Variants in GCNT2 observed in about 807,000 individuals in gnomAD.
GCNT2 encodes the protein glucosaminyl (N-acetyl) transferase 2 (I blood group).
GCNT2 carries 34 observed loss-of-function variants against 34.2 expected under a neutral mutation model. The ratio of observed to expected loss-of-function variants is 1.00; its 90% confidence interval spans 0.76 to 1.32. The LOEUF (loss-of-function observed/expected upper bound fraction) is 1.32. Ranked by LOEUF, GCNT2 falls within the 40% of genes most tolerant of loss-of-function variation. GCNT2 has a pLI of 0.00. For missense variants in GCNT2, 584 were observed against 489.4 expected, an observed-to-expected ratio of 1.19 and a Z score of -1.82; for synonymous variants, 212 against 188.0, an observed-to-expected ratio of 1.13 and a Z score of -1.04.
At chr6:10,532,754 C>T (rs1001332271) in intron 3 of GCNT2, among the ~76,000 whole-genome samples, 6 of 152,162 alleles carry the variant, frequency 3.9e-5, no homozygotes, top group Non-Finnish European at 1.5e-5. Flanking sequence ...GCAAGCCCTG[C>T]CAACTCTTTC....
chr6:10,555,673 G>T (rs1762665643), intron 3 of GCNT2: 1 of 929,592 alleles, frequency 1.1e-6, no homozygotes, highest in Non-Finnish European at 1.3e-6. Context: ...AGCCCAAGGC[G>T]CCCCAGCAAT....
At chr6:10,575,826 A>G (rs974718608) in intron 3 of GCNT2, among the ~76,000 whole-genome samples, 41 of 152,202 alleles carry the variant, frequency 2.7e-4, no homozygotes, top group East Asian at 9.7e-4. Flanking sequence ...TCCTGGCTCA[A>G]AAAGCTCCCC....
chr6:10,555,456 T>C (rs1762653223), intron 3 of GCNT2, among the ~76,000 whole-genome samples: 1 of 152,118 alleles, frequency 6.6e-6, no homozygotes, highest in Non-Finnish European at 1.5e-5. Context: ...TGCCGTTCTC[T>C]GGGGGGGTTA....
Position 10,575,529 on chromosome 6 carries a change from T to C in GCNT2, c.925+45693T>C, listed in dbSNP as rs974656819. On this transcript the variant is annotated intron_variant, in intron 3 of 4. Coordinates refer to ENST00000495262, the MANE Select transcript of GCNT2 (RefSeq NM_145649.5). ...GGTGCCTGCCACCACGCCCAGCTAA[T>C]TTTTTTGTATTTTTAGTGGAGATGG... Among the ~76,000 whole-genome samples, 3 of 151,986 alleles carry C rather than the reference T, an allele frequency of 2.0e-5. No homozygotes were observed. In the South Asian group the frequency reaches 6.2e-4, roughly 32 times the overall value.
At chr6:10,573,135 G>T in intron 3 of GCNT2, 2 of 955,634 alleles carry the variant, frequency 2.1e-6, no homozygotes, top group Non-Finnish European at 2.5e-6. Context: ...GAAAGTGTTC[G>T]GAAGATATAA....
chr6:10,576,368 C>G (rs1355272196), intron 3 of GCNT2, among the ~76,000 whole-genome samples: 4 of 152,122 alleles, frequency 2.6e-5, no homozygotes, highest in Non-Finnish European at 5.9e-5. Flanking sequence ...CTTTAAATAC[C>G]TACTACACAG....
Position 10,529,771 on chromosome 6 carries a change from T to G in GCNT2, c.860T>G (p.Leu287Arg), listed in dbSNP as rs200052359. The G allele has an allele frequency of 2.4e-5, 39 of 1,614,110 alleles. No homozygotes were observed. The highest frequency in any genetic ancestry group is 3.3e-5 in the Admixed American group (2 of 60,018). ...CAAGACCAGCTCGCACTTGACTTAC[T>G]CTCCTGGTCCAAGGACACCTACAGC... The part of the protein sequence containing the change: ...VLQDQLALDL[L>R]SWSKDTYSPD... The change falls in exon 3 of 5, where the codon CTC (leucine) becomes CGC (arginine). Residue 287 changes from leucine to arginine, a missense_variant. By Grantham distance (102) the Leu-to-Arg change is moderately radical (BLOSUM62 -2). Transcript: ENST00000495262.
Position 10,529,525 on chromosome 6 carries a change from A to G in GCNT2, c.614A>G (p.Gln205Arg). 2.5e-6 allele frequency: 4 copies of G among 1,614,162 alleles called. No homozygotes were observed. The highest frequency in any genetic ancestry group is 3.4e-6 in the Non-Finnish European group (4 of 1,179,994). ...FPLKTNREIV[Q>R]YLKGFKGKNI... ...CTGAAAACCAACAGGGAAATAGTTC[A>G]GTATCTGAAGGGATTTAAAGGGAAA... is the stretch of plus-strand genomic sequence containing the variant. The change falls in exon 3 of 5, where the codon CAG becomes CGG. Residue 205 changes from glutamine (Q) to arginine (R), a missense_variant. Coordinates refer to ENST00000495262, the MANE Select transcript of GCNT2 (RefSeq NM_145649.5).
chr6:10,604,582 CAGGTG>C (rs1765228845), intron 3 of GCNT2, among the ~76,000 whole-genome samples: 1 of 152,150 alleles, frequency 6.6e-6, no homozygotes, highest in Non-Finnish European at 1.5e-5. Context: ...ATCTCTGGGC[CAGGTG>C]TGCTGGCTCA....
intron 3 of GCNT2, among the ~76,000 whole-genome samples, chr6:10,584,518 C>CT (rs1764256113): frequency 6.6e-6 from 1 of 152,126 alleles, no homozygotes; most frequent in Non-Finnish European, 1.5e-5. Flanking sequence ...GGATGTCGGG[C>CT]TGGGGGGCTG....
rs905679916 is a variant in GCNT2 at position 10,542,951 on chromosome 6, A to G, written c.925+13115A>G. 3.8e-5 allele frequency among the ~76,000 whole-genome samples: 5 copies of G among 130,906 alleles called. No homozygotes were observed. The Admixed American group carries it at 4.5e-4, about 12-fold the overall frequency. 85.9% of individuals were successfully genotyped at this position (130,906 alleles called of 152,430 possible). A position where few individuals can be genotyped will look rare whatever the true frequency, so the allele number is the denominator to read the frequency against. ...AGACGGAGTTTCACTCTTGTTGCCC[A>G]GGCTGGAGTGCAATGCCATGATCTC... On this transcript the variant is annotated intron_variant, in intron 3 of 4. Transcript: ENST00000495262.
intron 3 of GCNT2, among the ~76,000 whole-genome samples, chr6:10,538,976 A>G (rs889823483): frequency 6.6e-6 from 1 of 152,118 alleles, no homozygotes; most frequent in Non-Finnish European, 1.5e-5. Flanking sequence ...AAAGAAAAAA[A>G]TAAGGGTTGG....
At chr6:10,556,155 A>G (rs779329072) in intron 3 of GCNT2, 7 of 1,348,720 alleles carry the variant, frequency 5.2e-6, no homozygotes, top group Middle Eastern at 2.8e-4. Flanking sequence ...GGGGAGGCAG[A>G]GGGAGGAGGG....
At chr6:10,617,786 ACT>A (rs1314876311) in intron 3 of GCNT2, among the ~76,000 whole-genome samples, 72 of 116,298 alleles carry the variant, frequency 6.2e-4, no homozygotes, top group Non-Finnish European at 1.1e-3. Context: ...ACAGGGTCTC[ACT>A]CTGTTGCCCA....
chr6:10,526,637 C>G (rs1326571837), intron 1 of GCNT2, among the ~76,000 whole-genome samples: 1 of 152,222 alleles, frequency 6.6e-6, no homozygotes, highest in Non-Finnish European at 1.5e-5. Context: ...CTCCTGGCCT[C>G]GAGCTCCTCC....
chr6:10,596,944 T>C (rs1043184186), intron 3 of GCNT2, among the ~76,000 whole-genome samples: 1 of 152,142 alleles, frequency 6.6e-6, no homozygotes, highest in Non-Finnish European at 1.5e-5. Flanking sequence ...TTACTTTGCA[T>C]GAGGTCTTTG....
intron 1 of GCNT2, among the ~76,000 whole-genome samples, chr6:10,525,589 A>T (rs1175207976): frequency 6.6e-6 from 1 of 152,222 alleles, no homozygotes; most frequent in Non-Finnish European, 1.5e-5. Context: ...CTACCAAAAT[A>T]AAATGCACCA....
At chr6:10,600,637 C>G (rs1039216899) in intron 3 of GCNT2, among the ~76,000 whole-genome samples, 2 of 152,112 alleles carry the variant, frequency 1.3e-5, no homozygotes, top group Admixed American at 1.3e-4. Context: ...TTTATCATAG[C>G]GTATGTAGCC....
chr6:10,616,073 G>A lies in GCNT2; in HGVS notation c.926-5278G>A, dbSNP rs142399953. On this transcript the variant is annotated intron_variant, in intron 3 of 4. Coordinates refer to ENST00000495262, the MANE Select transcript of GCNT2 (RefSeq NM_145649.5). ...GAGTGTTACAGTTCTTAAAAGCAGC[G>A]GGTCTGGAGTTTGTTCCCTCTAATG... Among the ~76,000 whole-genome samples, 26 of 152,324 alleles carry A rather than the reference G, an allele frequency of 1.7e-4. No individual in the cohort carries two copies. In the East Asian group the frequency reaches 5.0e-3, roughly 29 times the overall value.
Sources: allele counts gnomAD v4.1 joint callset (sites outside exome capture counted in the v4.1 genomes callset), GRCh38; gene constraint gnomAD v4.1.1; transcripts MANE v1.5; gene names NCBI Gene and HGNC (gene_info 2026-07-23, HGNC 2026-07-21).